ATP9B: variants seen among roughly 807,000 people sequenced by gnomAD.
The protein encoded by ATP9B is ATPase phospholipid transporting 9B.
In ATP9B, 110 loss-of-function variants were observed where a neutral mutation model predicts 146.1. That is an observed-to-expected ratio of 0.75 (90% confidence interval 0.65 to 0.88). The LOEUF (loss-of-function observed/expected upper bound fraction) is 0.88. ATP9B is among the 40% of genes least tolerant of loss of function. ATP9B has a pLI of 0.00. For missense variants in ATP9B, 1,499 were observed against 1,496.4 expected (o/e 1.00, Z -0.03); for synonymous variants, 604 against 569.7 (o/e 1.06, Z -0.86).
rs1364108536 is a variant in ATP9B, at chr18:79,344,380, A to C, written c.2472+26A>C. On this transcript the variant is annotated intron_variant, in intron 21 of 29. Coordinates refer to ENST00000426216, the MANE Select transcript of ATP9B (RefSeq NM_198531.5). ...GTAAGGCTGGACCCTGAGTGAGTAC[A>C]TGTCTGTCTGTGTCTCTGAGGCAAG... 2.5e-6 allele frequency: 4 copies of C among 1,599,374 alleles called. No homozygotes were observed. The Admixed American group carries it at 5.0e-5, about 20-fold the overall frequency.
rs146261903 is a variant in ATP9B, at chr18:79,084,692, GCTTC to G, written c.120-11776_120-11773del. On this transcript the variant is annotated intron_variant, in intron 1 of 29. Coordinates refer to ENST00000426216, the MANE Select transcript of ATP9B (RefSeq NM_198531.5). ...TTACATCGCTTTGTGAGCATTGAAA[GCTTC>G]CTTCCTTGACCATTTGAAAATGACA... Among the ~76,000 whole-genome samples the G allele has an allele frequency of 3.1e-3, 476 of 152,282 alleles. 6 individuals carry two copies. Among genetic ancestry groups the G allele is most frequent in the African/African-American group, 0.011 (449 of 41,560 alleles).
At chr18:79,346,002 A>G (rs1268886437) in intron 23 of ATP9B, among the ~76,000 whole-genome samples, 163 bp downstream of exon 23, 2 of 152,062 alleles carry the variant, frequency 1.3e-5, no homozygotes, top group African/African-American at 2.4e-5. Flanking sequence ...TGCTTGGTCA[A>G]CACACATCAG....
intron 17 of ATP9B, among the ~76,000 whole-genome samples, chr18:79,333,326 C>T (rs1271434006): frequency 1.3e-5 from 2 of 152,218 alleles, no homozygotes; most frequent in Non-Finnish European, 2.9e-5. Flanking sequence ...GCATGTCCAC[C>T]CCAAGGGCTG....
At chr18:79,081,981 G>A (rs921012046) in intron 1 of ATP9B, among the ~76,000 whole-genome samples, 3 of 152,000 alleles carry the variant, frequency 2.0e-5, no homozygotes, top group African/African-American at 4.8e-5. Flanking sequence ...AAGTTCTCCC[G>A]GATAATATCC....
At chr18:79,125,666 T>C (rs1201265369) in intron 4 of ATP9B, among the ~76,000 whole-genome samples, 1 of 152,172 alleles carries the variant, frequency 6.6e-6, no homozygotes, top group East Asian at 1.9e-4. Context: ...AGTGGTATAA[T>C]GGGCTTCACA....
chr18:79,208,278 T>C (rs905951327), intron 10 of ATP9B, among the ~76,000 whole-genome samples: 1 of 152,024 alleles, frequency 6.6e-6, no homozygotes, highest in African/African-American at 2.4e-5. Context: ...ATAGACCAGG[T>C]CTAGGAGCAG....
chr18:79,324,324 T>A (rs12958177), intron 15 of ATP9B, among the ~76,000 whole-genome samples: 5,008 of 152,262 alleles, frequency 0.033, 129 homozygotes, highest in Non-Finnish European at 0.05. Flanking sequence ...ATCCTGTTTG[T>A]CCATTTTTGC....
Position 79,345,429 on chromosome 18 carries a change from T to A in ATP9B, c.2474T>A (p.Val825Asp). ...AATAACACAGGCTTTGTTTTCCAGG[T>A]TTGTCTAAAGTACTACGAGCATGAA... ...ALVISGDSLE[V>D]CLKYYEHEFV... Residue 825 changes from valine (V) to aspartate (D), a missense_variant and splice_region_variant, in exon 22 of 30, where the codon GTT becomes GAT. Transcript: ENST00000426216. The A allele has an allele frequency of 6.2e-7, 1 of 1,613,410 alleles. No individual in the cohort carries two copies. The highest frequency in any genetic ancestry group is 8.5e-7 in the Non-Finnish European group (1 of 1,179,632).
chr18:79,196,612 G>A (rs537906029), intron 9 of ATP9B, among the ~76,000 whole-genome samples: 19 of 152,288 alleles, frequency 1.2e-4, no homozygotes, highest in Non-Finnish European at 2.5e-4. Flanking sequence ...CAAAATGGTA[G>A]TGACCAGAAA....
At chr18:79,177,974 G>A (rs1365388269) in intron 8 of ATP9B, among the ~76,000 whole-genome samples, 1 of 152,092 alleles carries the variant, frequency 6.6e-6, no homozygotes, top group Non-Finnish European at 1.5e-5. Context: ...ATTTTTCCGT[G>A]GTCAGTGAAT....
At chr18:79,117,166 T>C (rs1236994558) in intron 4 of ATP9B, 1 of 152,158 alleles carries the variant, frequency 6.6e-6, no homozygotes, top group Non-Finnish European at 1.5e-5. Context: ...TCAAAATATG[T>C]ATAGAAGGAA....
chr18:79,155,467 G>C (rs2094760107), intron 7 of ATP9B, among the ~76,000 whole-genome samples: 1 of 152,114 alleles, frequency 6.6e-6, no homozygotes, highest in Non-Finnish European at 1.5e-5. Flanking sequence ...CTTGCCAAGT[G>C]GGCACACGTT....
intron 26 of ATP9B, among the ~76,000 whole-genome samples, chr18:79,366,887 G>A (rs1039065412): frequency 5.9e-5 from 9 of 152,246 alleles, no homozygotes; most frequent in African/African-American, 2.2e-4. Context: ...TGAGGCTGGT[G>A]CGGGAGGCAG....
In ATP9B at chr18:79,376,214, C is replaced by CACACAAAA; in HGVS notation, c.3307+789_3307+790insCACAAAAA. 860 of 874,188 alleles carry CACACAAAA rather than the reference C, an allele frequency of 9.8e-4. 13 individuals carry two copies. The highest frequency in any genetic ancestry group is 2.5e-3 in the South Asian group (45 of 17,852). 54.2% of individuals were successfully genotyped at this position (874,188 alleles called of 1,614,324 possible). A position where few individuals can be genotyped will look rare whatever the true frequency, so the allele number is the denominator to read the frequency against. ...ACACACACACACACACACACACACA[C>CACACAAAA]AAAACAAAACAAAAAAATGGCTAGC... On this transcript the variant is annotated intron_variant, in intron 29 of 29. Coordinates refer to ENST00000426216, the MANE Select transcript of ATP9B (RefSeq NM_198531.5).
In ATP9B at chr18:79,327,873, C is replaced by T. The variant is rs1351825440; in HGVS notation, c.1774-1268C>T. 7.0e-5 allele frequency among the ~76,000 whole-genome samples: 7 copies of T among 99,770 alleles called. 1 individual carries two copies. The highest frequency in any genetic ancestry group is 1.6e-4 in the African/African-American group (4 of 24,418). The allele number at this position is 99,770 out of a possible 152,430, so 65.5% of individuals were successfully genotyped here. A position where few individuals can be genotyped will look rare whatever the true frequency, so the allele number is the denominator to read the frequency against. On this transcript the variant is annotated intron_variant, in intron 15 of 29. Transcript: ENST00000426216. ...TGCTCTCCATGGTTAGCGTGCTCTC[C>T]ATGGATAGTGTGCTCTCCGTGGTTA...
chr18:79,314,607 T>G (rs2096669467), intron 15 of ATP9B, among the ~76,000 whole-genome samples: 1 of 152,242 alleles, frequency 6.6e-6, no homozygotes, highest in South Asian at 2.1e-4. Flanking sequence ...GTATTCATAA[T>G]GTGGAACCTA....
At chr18:79,126,994 T>C (rs1042921796) in intron 5 of ATP9B, among the ~76,000 whole-genome samples, 2 of 152,122 alleles carry the variant, frequency 1.3e-5, no homozygotes, top group Non-Finnish European at 2.9e-5. Flanking sequence ...CATAAGATAG[T>C]AAAAAAGTGA....
intron 10 of ATP9B, among the ~76,000 whole-genome samples, chr18:79,211,091 A>G (rs1410540105): frequency 6.6e-6 from 1 of 152,224 alleles, no homozygotes; most frequent in African/African-American, 2.4e-5. Context: ...ATAGCAACTA[A>G]AAGTATTGCA....
intron 15 of ATP9B, chr18:79,307,548 G>T: frequency 3.4e-6 from 1 of 295,958 alleles, no homozygotes; most frequent in Non-Finnish European, 6.4e-6. Flanking sequence ...TGTCAAAGCT[G>T]CATTTTATAA....
Sources: gnomAD v4.1 joint callset for allele counts (sites outside exome capture counted in the v4.1 genomes callset) on GRCh38, gnomAD v4.1.1 for gene constraint, MANE v1.5 for transcripts, NCBI Gene and HGNC (gene_info 2026-07-23, HGNC 2026-07-21) for gene names.